The following FAM193A variants were observed in gnomAD, a reference collection of about 807,000 sequenced individuals.
FAM193A encodes family with sequence similarity 193 member A, also known as protein FAM193A.
A neutral mutation model predicts 126.5 loss-of-function variants in FAM193A; 22 were observed. The ratio of observed to expected loss-of-function variants is 0.17; its 90% CI spans 0.12 to 0.25. FAM193A has a LOEUF of 0.25. Ranked by LOEUF, FAM193A falls within the 10% of genes least tolerant of loss-of-function variation. FAM193A has a pLI of 1.00. For missense variants in FAM193A, 1,675 were observed against 1,672.8 expected (o/e 1.00, Z -0.02); for synonymous variants, 761 against 646.8 (o/e 1.18, Z -2.68).
rs1742833343 is a variant in FAM193A, at chr4:2,625,212, C to T, written c.502-50C>T. 4.7e-6 allele frequency: 3 copies of T among 635,068 alleles called. No homozygotes were observed. In the East Asian group the frequency reaches 8.4e-5, roughly 18 times the overall value. 39.3% of individuals were successfully genotyped at this position (635,068 alleles called of 1,614,324 possible). On this transcript the variant is annotated intron_variant, in intron 2 of 20. Coordinates refer to ENST00000637812, the MANE Select transcript of FAM193A (RefSeq NM_001366318.2). ...CTGAACAGTTAATAAAAAATTGATGCCGTGAACATTTTAACATAACTGGTC... is the reference window on the plus strand; with the variant it reads ...CTGAACAGTTAATAAAAAATTGATGTCGTGAACATTTTAACATAACTGGTC...
rs113718595 is a variant in FAM193A, at chr4:2,701,563, G to A, written c.4372+1019G>A. Among the ~76,000 whole-genome samples the A allele has an allele frequency of 3.0e-4, 45 of 152,172 alleles. 3 individuals carry two copies. The highest frequency in any genetic ancestry group is 7.0e-4 in the African/African-American group (29 of 41,518). On this transcript the variant is annotated intron_variant, in intron 19 of 20. Coordinates refer to ENST00000637812, the MANE Select transcript of FAM193A (RefSeq NM_001366318.2). ...TATATCCCACCAGGAAGTGGGTGAC[G>A]GTGTCTGTCCCATCACTGGGGATGG...
At chr4:2,546,142 C>T (rs988320391) in intron 1 of FAM193A, among the ~76,000 whole-genome samples, 5 of 149,682 alleles carry the variant, frequency 3.3e-5, no homozygotes, top group East Asian at 1.9e-4. Context: ...AGCAAGACTC[C>T]GCCTCAAAAA....
At chr4:2,606,278 C>G (rs1020308918) in intron 2 of FAM193A, among the ~76,000 whole-genome samples, 1 of 151,940 alleles carries the variant, frequency 6.6e-6, no homozygotes, top group African/African-American at 2.4e-5. Context: ...TCTTGAAATA[C>G]TGACCTCGTG....
intron 18 of FAM193A, 82 bp downstream of exon 18, chr4:2,696,675 G>T: frequency 9.1e-7 from 1 of 1,095,738 alleles, no homozygotes. Context: ...TCTAGGCAGG[G>T]CTGAGCCACA....
At chr4:2,663,855 T>C (rs1712777243) in intron 12 of FAM193A, among the ~76,000 whole-genome samples, 1 of 152,168 alleles carries the variant, frequency 6.6e-6, no homozygotes, top group Non-Finnish European at 1.5e-5. Context: ...TAATCCCAGC[T>C]ACTTGGGAGG....
intron 7 of FAM193A, among the ~76,000 whole-genome samples, chr4:2,652,774 G>A (rs1342047654): frequency 3.3e-5 from 5 of 152,154 alleles, no homozygotes; most frequent in East Asian, 1.9e-4. Flanking sequence ...TTCATGTATC[G>A]ATATAAGTTT....
intron 1 of FAM193A, among the ~76,000 whole-genome samples, chr4:2,547,758 T>C (rs557756618): frequency 6.6e-6 from 1 of 151,836 alleles, no homozygotes; most frequent in Admixed American, 6.6e-5. Context: ...CCCCAGTAGC[T>C]AGGATTACAG....
chr4:2,684,644 C>T (rs1004081276), intron 13 of FAM193A, among the ~76,000 whole-genome samples: 3 of 152,156 alleles, frequency 2.0e-5, no homozygotes, highest in Non-Finnish European at 2.9e-5. Flanking sequence ...TCTGCTGATG[C>T]GAGAGCTGCC....
At chr4:2,679,386 T>C (rs1204004673) in intron 13 of FAM193A, among the ~76,000 whole-genome samples, 2 of 126,884 alleles carry the variant, frequency 1.6e-5, no homozygotes, top group African/African-American at 7.3e-5. Flanking sequence ...TTTTTTTTTT[T>C]TTTTTTTTTT....
At chr4:2,691,352 A>G (rs1716356780) in intron 15 of FAM193A, among the ~76,000 whole-genome samples, 1 of 152,178 alleles carries the variant, frequency 6.6e-6, no homozygotes, top group South Asian at 2.1e-4. Flanking sequence ...AGTAGCTGGG[A>G]CTATAGGTGC....
chr4:2,588,188 G>A (rs1012495859), intron 1 of FAM193A, among the ~76,000 whole-genome samples: 4 of 152,126 alleles, frequency 2.6e-5, no homozygotes, highest in Admixed American at 2.0e-4. Context: ...GACGGAGCTC[G>A]AGATCCCCAC....
intron 1 of FAM193A, among the ~76,000 whole-genome samples, chr4:2,565,211 A>G (rs1484693030): frequency 1.4e-5 from 2 of 144,396 alleles, no homozygotes. Context: ...ATTAGTAAAC[A>G]AGGTTTTGTG....
rs371560677 is a variant in FAM193A, at chr4:2,701,545, C to T, written c.4372+1001C>T. Among the ~76,000 whole-genome samples, 1,094 of 152,250 alleles carry T rather than the reference C, an allele frequency of 7.2e-3. 8 individuals are homozygous for T. The highest frequency in any genetic ancestry group is 0.012 in the Non-Finnish European group (796 of 68,010). On this transcript the variant is annotated intron_variant, in intron 19 of 20. Coordinates refer to ENST00000637812, the MANE Select transcript of FAM193A (RefSeq NM_001366318.2). ...GTGGCCAGTCCCTGTTGGTATATCC[C>T]ACCAGGAAGTGGGTGACGGTGTCTG...
chr4:2,616,753 C>A (rs572669789), intron 2 of FAM193A, among the ~76,000 whole-genome samples: 23 of 151,678 alleles, frequency 1.5e-4, no homozygotes, highest in Non-Finnish European at 2.8e-4. Context: ...TTAGTAGAGA[C>A]GGGGTTTCAC....
intron 1 of FAM193A, among the ~76,000 whole-genome samples, chr4:2,579,745 T>C (rs1370006172): frequency 1.3e-5 from 2 of 151,788 alleles, no homozygotes; most frequent in East Asian, 3.9e-4. Context: ...TTTTCAGCAG[T>C]GAGAATGGCT....
intron 19 of FAM193A, among the ~76,000 whole-genome samples, chr4:2,704,504 G>C (rs1436279939): frequency 2.0e-5 from 3 of 152,030 alleles, no homozygotes; most frequent in Non-Finnish European, 4.4e-5. Context: ...GGCGGAGGTT[G>C]CAGTGAGTCA....
intron 12 of FAM193A, among the ~76,000 whole-genome samples, chr4:2,665,789 A>C (rs1483804942): frequency 2.6e-5 from 4 of 151,996 alleles, no homozygotes; most frequent in African/African-American, 9.7e-5. Context: ...AGCCTCCCAA[A>C]GTTTTAGGAG....
At chr4:2,646,028 A>G (rs967543221) in intron 6 of FAM193A, among the ~76,000 whole-genome samples, 1 of 150,730 alleles carries the variant, frequency 6.6e-6, no homozygotes, top group Non-Finnish European at 1.5e-5. Context: ...TATCATTTTT[A>G]TTTTTATCTA....
intron 1 of FAM193A, among the ~76,000 whole-genome samples, chr4:2,566,301 C>A (rs1738946086): frequency 6.6e-6 from 1 of 152,166 alleles, no homozygotes; most frequent in Non-Finnish European, 1.5e-5. Flanking sequence ...CCCACCTTGG[C>A]CTCCCAAAGT....
Sources: allele counts gnomAD v4.1 joint callset (sites outside exome capture counted in the v4.1 genomes callset), GRCh38; gene constraint gnomAD v4.1.1; transcripts MANE v1.5; gene names NCBI Gene and HGNC (gene_info 2026-07-23, HGNC 2026-07-21).